Variants in F5 observed in about 807,000 individuals in gnomAD.
The protein encoded by F5 is activated protein c cofactor.
In F5, 138 loss-of-function variants were observed where a neutral mutation model predicts 216.4. That is an observed-to-expected ratio of 0.64 (90% confidence interval 0.56 to 0.73). F5 has a LOEUF of 0.73. Among genes scored for constraint, F5 ranks in the 30% least tolerant of loss-of-function variants. The pLI is 0.00. For synonymous variants in F5, 916 were observed against 930.7 expected (o/e 0.98, Z 0.29); for missense variants, 2,403 against 2,674.0 (o/e 0.90, Z 2.24).
chr1:169,538,526 C>G (rs1418496460), intron 13 of F5, among the ~76,000 whole-genome samples: 1 of 152,066 alleles, frequency 6.6e-6, no homozygotes, highest in Non-Finnish European at 1.5e-5. Flanking sequence ...CTTGATTTAG[C>G]CAATTCACAA....
At position 169,541,174 on chromosome 1, in the gene F5, C is replaced by T. The variant is rs2101818410; in HGVS notation, c.3916G>A (p.Glu1306Lys). ...PELSHMTLSP[E>K]LSQTNLSPAL... ...GGGGAAAGGTTTGTCTGACTGAGTT[C>T]TGGAGAGAGAGTCATATGGCTGAGT... The change falls in exon 13 of 25, where the codon GAA (glutamate) becomes AAA (lysine). Residue 1306 changes from glutamate (E) to lysine (K), a missense_variant. Transcript: ENST00000367797. The T allele has an allele frequency of 6.4e-7, 1 of 1,573,362 alleles. No individual in the cohort carries two copies. The highest frequency in any genetic ancestry group is 2.3e-5 in the East Asian group (1 of 42,964).
In F5 at chr1:169,546,601, C is replaced by T. The variant is rs6038; in HGVS notation, c.1612-9G>A. The stretch of plus-strand genomic sequence containing the variant: ...TCGATGTCTGCTGCCCTCTGGAGGA[C>T]AAAACAGTATAGTACTGGTACAAGA... On this transcript the variant is annotated splice_polypyrimidine_tract_variant and intron_variant, in intron 10 of 24. Transcript: ENST00000367797. 14 of 1,613,486 alleles carry T rather than the reference C, an allele frequency of 8.7e-6. No individual in the cohort carries two copies. The highest frequency in any genetic ancestry group is 1.2e-5 in the Non-Finnish European group (14 of 1,179,640).
intron 19 of F5, 70 bp downstream of exon 19, chr1:169,524,767 A>G (rs1280844249): frequency 1.4e-5 from 18 of 1,249,234 alleles, no homozygotes; most frequent in Non-Finnish European, 2.1e-5. Context: ...ATTGTCATGT[A>G]TGGTTTCATA....
chr1:169,580,844 G>T (rs1422482715), intron 2 of F5, among the ~76,000 whole-genome samples: 2 of 152,078 alleles, frequency 1.3e-5, no homozygotes, highest in Admixed American at 1.3e-4. Flanking sequence ...AGTAATAGCA[G>T]CAACAATAAC....
Position 169,560,438 on chromosome 1 carries a change from C to G in F5, c.586+116G>C, listed in dbSNP as rs1660447463. On this transcript the variant is annotated intron_variant, in intron 4 of 24. Transcript: ENST00000367797. ...AACAATGATCTGGTCTCCGTGCCGT[C>G]TTCCTCTGCTTGATGTACAAGAAGT... The G allele has an allele frequency of 8.5e-6, 8 of 944,888 alleles. No individual in the cohort carries two copies. In the Admixed American group the frequency reaches 1.6e-4, roughly 18 times the overall value. 58.5% of individuals were successfully genotyped at this position (944,888 alleles called of 1,614,324 possible). A position where few individuals can be genotyped will look rare whatever the true frequency, so the allele number is the denominator to read the frequency against.
chr1:169,575,114 G>A (rs1660814369), intron 2 of F5, among the ~76,000 whole-genome samples: 1 of 152,176 alleles, frequency 6.6e-6, no homozygotes, highest in African/African-American at 2.4e-5. Context: ...TTTGACAGTG[G>A]AATCTAGTCC....
intron 3 of F5, among the ~76,000 whole-genome samples, chr1:169,564,027 TG>T (rs1282189673): frequency 6.6e-6 from 1 of 152,144 alleles, no homozygotes; most frequent in African/African-American, 2.4e-5. Context: ...AATCAAATCT[TG>T]TTTTTTATTC....
At chr1:169,551,666 G>T (rs1185262835) in intron 8 of F5, among the ~76,000 whole-genome samples, 1 of 152,216 alleles carries the variant, frequency 6.6e-6, no homozygotes, top group East Asian at 1.9e-4. Flanking sequence ...GTCCTAGTTA[G>T]GCTCTTTAAT....
At chr1:169,570,702 A>G (rs566187667) in intron 3 of F5, among the ~76,000 whole-genome samples, 2 of 141,778 alleles carry the variant, frequency 1.4e-5, no homozygotes, top group Admixed American at 7.4e-5. Context: ...TTTAAAAATT[A>G]CTTTCTGATT....
At chr1:169,526,638 A>C (rs1244830308) in intron 17 of F5, among the ~76,000 whole-genome samples, 2 of 152,070 alleles carry the variant, frequency 1.3e-5, no homozygotes, top group East Asian at 3.9e-4. Flanking sequence ...GGTGAAAATG[A>C]ATAGATATGA....
chr1:169,569,191 G>T (rs1199605662), intron 3 of F5, among the ~76,000 whole-genome samples: 1 of 152,048 alleles, frequency 6.6e-6, no homozygotes, highest in African/African-American at 2.4e-5. Context: ...GTGAAAAAAT[G>T]TAATCACCTA....
intron 2 of F5, among the ~76,000 whole-genome samples, chr1:169,577,560 A>AATATATATATGT (rs1660883815): frequency 1.8e-5 from 1 of 54,446 alleles, no homozygotes; most frequent in Non-Finnish European, 3.8e-5. Flanking sequence ...GGCTAATTTA[A>AATATATATATGT]ATATATATAT....
In F5 at chr1:169,530,792, C is replaced by T. The variant is rs902841300; in HGVS notation, c.5202G>A (p.Val1734=). 3.1e-6 allele frequency: 5 copies of T among 1,613,646 alleles called. No individual in the cohort carries two copies. The African/African-American group carries it at 5.3e-5, about 17-fold the overall frequency. Residue 1734 remains valine, a synonymous_variant, in exon 15 of 25, where the codon GTG becomes GTA. Transcript: ENST00000367797. ...TTTCAATGAAAGTACCTACTGGGTT[C>T]ACAGCTGAGTAGTAGGCCCAAGCCC... ...ACRAWAYYSA[V]NPEKDIHSGL...
Position 169,513,023 on chromosome 1 carries a change from C to T in F5, c.*1290G>A, listed in dbSNP as rs9332677. 4.6e-3 allele frequency among the ~76,000 whole-genome samples: 700 copies of T among 152,032 alleles called. 3 individuals are homozygous for T. Among genetic ancestry groups the T allele is most frequent in the Non-Finnish European group, 7.6e-3 (514 of 67,956 alleles). ...ATTTCTGCCTTAATTTCATTATTTA[C>T]CCAGTAGTCATTCAGGAGCAGGTTG... On this transcript the variant is annotated 3_prime_UTR_variant, in exon 25 of 25. Transcript: ENST00000367797.
intron 3 of F5, 50 bp from the exon 4 acceptor site, chr1:169,560,816 G>C: frequency 1.3e-6 from 2 of 1,552,064 alleles, no homozygotes; most frequent in Non-Finnish European, 1.8e-6. Flanking sequence ...TGAGGATTGC[G>C]TTTTCACCAC....
chr1:169,536,476 G>A (rs530601201), intron 14 of F5, 30 bp downstream of exon 14: 40 of 1,602,622 alleles, frequency 2.5e-5, no homozygotes, highest in South Asian at 8.8e-5. Context: ...AAATTCCTCC[G>A]AAGATCTTAG....
intron 3 of F5, among the ~76,000 whole-genome samples, chr1:169,561,530 G>C (rs778081504): frequency 2.5e-4 from 38 of 151,994 alleles, no homozygotes; most frequent in Non-Finnish European, 4.7e-4. Context: ...AGTGTAGAGG[G>C]TTGGGTGAGG....
chr1:169,545,708 A>G (rs959994045), intron 11 of F5, among the ~76,000 whole-genome samples: 2 of 152,198 alleles, frequency 1.3e-5, no homozygotes, highest in Admixed American at 6.5e-5. Context: ...CTGAAGCTAT[A>G]TGAACAGAAC....
chr1:169,540,175 T>C (rs1004312412), intron 13 of F5, 119 bp downstream of exon 13: 15 of 1,089,290 alleles, frequency 1.4e-5, no homozygotes, highest in Middle Eastern at 2.7e-4. Flanking sequence ...CAACTTGCAA[T>C]AGGGGAACCA....
Sources: gnomAD v4.1 joint callset for allele counts (sites outside exome capture counted in the v4.1 genomes callset) on GRCh38, gnomAD v4.1.1 for gene constraint, MANE v1.5 for transcripts, NCBI Gene and HGNC (gene_info 2026-07-23, HGNC 2026-07-21) for gene names.